LRRIQ3: variants seen among roughly 807,000 people sequenced by gnomAD.
The protein encoded by LRRIQ3 is leucine-rich repeat and IQ domain-containing protein 3.
LRRIQ3 carries 75 observed loss-of-function variants against 59.3 expected under a neutral mutation model. That is an observed-to-expected ratio of 1.26 (90% CI 1.05 to 1.53). The LOEUF (loss-of-function observed/expected upper bound fraction) is 1.53, where lower values mean the gene tolerates loss of function less well. Among genes scored for constraint, LRRIQ3 ranks in the 40% most tolerant of loss-of-function variants. The pLI is 0.00. For synonymous variants in LRRIQ3, 250 were observed against 231.3 expected, an observed-to-expected ratio of 1.08 and a Z score of -0.73; for missense variants, 831 against 710.0, an observed-to-expected ratio of 1.17 and a Z score of -1.94.
chr1:74,198,037 T>C lies in LRRIQ3; in HGVS notation c.-42A>G, dbSNP rs1651346129. ...CAAGCCCTTATGAGTTGGAGACAAG[T>C]GGCCCAGCCCCAACACAGTCAGACA... On this transcript the variant is annotated 5_prime_UTR_variant, in exon 1 of 8. Transcript: ENST00000354431. 2 of 751,916 alleles carry C rather than the reference T, an allele frequency of 2.7e-6. No individual in the cohort carries two copies. The highest frequency in any genetic ancestry group is 3.2e-5 in the Admixed American group (1 of 31,720). 46.6% of individuals were successfully genotyped at this position (751,916 alleles called of 1,614,324 possible).
At chr1:74,123,303 C>T (rs1396090066) in intron 4 of LRRIQ3, among the ~76,000 whole-genome samples, 3 of 152,004 alleles carry the variant, frequency 2.0e-5, no homozygotes, top group African/African-American at 7.2e-5. Flanking sequence ...GTTTTACAAA[C>T]AATCCACACA....
chr1:74,172,820 CT>C (rs1319112393), intron 3 of LRRIQ3, among the ~76,000 whole-genome samples: 2 of 151,952 alleles, frequency 1.3e-5, no homozygotes, highest in African/African-American at 4.8e-5. Flanking sequence ...ATTTGATGAC[CT>C]CCTTTGTCTT....
At position 74,155,796 on chromosome 1, in the gene LRRIQ3, T is replaced by C; in HGVS notation, c.644A>G (p.His215Arg). 2 of 1,585,904 alleles carry C rather than the reference T, an allele frequency of 1.3e-6. No individual in the cohort carries two copies. Among genetic ancestry groups the C allele is most frequent in the Non-Finnish European group, 1.7e-6 (2 of 1,168,938 alleles). The change falls in exon 4 of 8, where the codon CAT becomes CGT. Residue 215 changes from histidine to arginine, a missense_variant. Physicochemically the swap from His to Arg is conservative, Grantham distance 29 (BLOSUM62 0). Coordinates refer to ENST00000354431, the MANE Select transcript of LRRIQ3 (RefSeq NM_001105659.2). ...TTGAACAATCAAAACTGGTGAATTA[T>C]GAGCCAGAATTGCATTAATTTTTGA... is the stretch of plus-strand genomic sequence containing the variant. ...ITSKINAILA[H>R]NSPVLIVQRW...
intron 4 of LRRIQ3, among the ~76,000 whole-genome samples, chr1:74,129,069 G>A (rs940844759): frequency 6.6e-6 from 1 of 152,062 alleles, no homozygotes; most frequent in Admixed American, 6.6e-5. Flanking sequence ...AGCCAGCACA[G>A]AACTGGATCT....
intron 4 of LRRIQ3, among the ~76,000 whole-genome samples, chr1:74,135,300 A>C (rs1013428053): frequency 1.3e-5 from 2 of 151,980 alleles, no homozygotes; most frequent in African/African-American, 2.4e-5. Flanking sequence ...ATTCACCAGT[A>C]AGAGTTGTGG....
chr1:74,152,868 C>T (rs1276381676), intron 4 of LRRIQ3, among the ~76,000 whole-genome samples: 1 of 152,096 alleles, frequency 6.6e-6, no homozygotes, highest in Non-Finnish European at 1.5e-5. Flanking sequence ...GCGGTTTCAT[C>T]TCTTCATAAC....
chr1:74,027,002 T>C (rs751817336), intron 7 of LRRIQ3, 33 bp from the exon 8 acceptor site: 1 of 1,359,198 alleles, frequency 7.4e-7, no homozygotes, highest in South Asian at 1.3e-5. Context: ...TAGAATGAGA[T>C]ACTTTTAAAT....
At chr1:74,120,063 G>T (rs1315848146) in intron 4 of LRRIQ3, among the ~76,000 whole-genome samples, 1 of 150,808 alleles carries the variant, frequency 6.6e-6, no homozygotes, top group Admixed American at 6.6e-5. Context: ...ATATGTTCAG[G>T]TTTTATTATT....
intron 3 of LRRIQ3, chr1:74,180,629 A>T (rs1649919048): frequency 1.6e-6 from 2 of 1,229,852 alleles, no homozygotes; most frequent in Non-Finnish European, 2.3e-6. Context: ...TTCCACACTC[A>T]GTGTGAAAAG....
chr1:74,117,451 C>T (rs551192229), intron 4 of LRRIQ3, among the ~76,000 whole-genome samples: 1 of 152,194 alleles, frequency 6.6e-6, no homozygotes, highest in South Asian at 2.1e-4. Flanking sequence ...AATAGAAAAA[C>T]AAATATTGTC....
In LRRIQ3 at chr1:74,096,420, A is replaced by C. The variant is rs1374029862; in HGVS notation, c.867+12974T>G. The stretch of plus-strand genomic sequence containing the variant: ...ACAAAGATAAATCTTACAAAACTGG[A>C]CCAATTATAGGAAAGCCAGTCAAAA... On this transcript the variant is annotated intron_variant, in intron 5 of 7. Transcript: ENST00000354431. Among the ~76,000 whole-genome samples the C allele has an allele frequency of 2.0e-5, 3 of 152,120 alleles. No homozygotes were observed. The East Asian group carries it at 5.8e-4, about 29-fold the overall frequency.
intron 7 of LRRIQ3, among the ~76,000 whole-genome samples, chr1:74,029,602 G>A (rs1293693734): frequency 6.6e-6 from 1 of 152,092 alleles, no homozygotes; most frequent in African/African-American, 2.4e-5. Flanking sequence ...TGGTATGCCA[G>A]TATTTTATTG....
chr1:74,117,714 T>C (rs1646796622), intron 4 of LRRIQ3, among the ~76,000 whole-genome samples: 1 of 152,088 alleles, frequency 6.6e-6, no homozygotes, highest in Non-Finnish European at 1.5e-5. Flanking sequence ...TGCAGTGAGC[T>C]GAGATCGCAC....
intron 7 of LRRIQ3, among the ~76,000 whole-genome samples, chr1:74,028,744 A>T (rs1018567027): frequency 6.6e-6 from 1 of 151,906 alleles, no homozygotes; most frequent in Non-Finnish European, 1.5e-5. Flanking sequence ...GGACATTTCA[A>T]CTCACAGGGT....
intron 4 of LRRIQ3, among the ~76,000 whole-genome samples, chr1:74,117,152 G>C (rs943957043): frequency 3.3e-5 from 5 of 152,092 alleles, no homozygotes; most frequent in Non-Finnish European, 7.4e-5. Flanking sequence ...ATCCAGAACT[G>C]ATGATAAAAG....
intron 4 of LRRIQ3, among the ~76,000 whole-genome samples, chr1:74,133,508 T>C (rs1179941076): frequency 6.6e-6 from 1 of 152,028 alleles, no homozygotes; most frequent in East Asian, 1.9e-4. Context: ...GTGGCACATA[T>C]ACACCATGGA....
chr1:74,158,295 G>A (rs1427148583), intron 3 of LRRIQ3, among the ~76,000 whole-genome samples: 3 of 151,964 alleles, frequency 2.0e-5, no homozygotes, highest in Admixed American at 6.6e-5. Context: ...CTTATCATAT[G>A]ACATTCTAGA....
chr1:74,167,372 G>A (rs965664015), intron 3 of LRRIQ3, among the ~76,000 whole-genome samples: 3 of 151,580 alleles, frequency 2.0e-5, no homozygotes, highest in Non-Finnish European at 4.4e-5. Context: ...ACCAAATATC[G>A]TATGTTCTCA....
chr1:74,122,702 G>T (rs1256367838), intron 4 of LRRIQ3, among the ~76,000 whole-genome samples: 1 of 152,078 alleles, frequency 6.6e-6, no homozygotes, highest in Non-Finnish European at 1.5e-5. Context: ...AGACTTAAAT[G>T]TTAGACATAA....
Sources: allele counts gnomAD v4.1 joint callset (sites outside exome capture counted in the v4.1 genomes callset), GRCh38; gene constraint gnomAD v4.1.1; transcripts MANE v1.5; gene names NCBI Gene and HGNC (gene_info 2026-07-23, HGNC 2026-07-21).